KALRN: variants seen among roughly 807,000 people sequenced by gnomAD.
The protein encoded by KALRN is kalirin.
A neutral mutation model predicts 353.7 loss-of-function variants in KALRN; 70 were observed. The observed-to-expected ratio is 0.20, with a 90% CI of 0.16 to 0.24. The LOEUF is 0.24. Ranked by LOEUF, KALRN falls within the 10% of genes least tolerant of loss-of-function variation. The probability of loss-of-function intolerance (pLI) is 1.00; values close to 1 mark genes in which losing one functional copy is unlikely to be tolerated. For synonymous variants in KALRN, 1,391 were observed against 1,434.8 expected (o/e 0.97, Z 0.69); for missense variants, 2,791 against 3,756.7 (o/e 0.74, Z 6.72).
At chr3:124,252,622 A>T (rs1048668180) in intron 3 of KALRN, among the ~76,000 whole-genome samples, 5 of 152,244 alleles carry the variant, frequency 3.3e-5, no homozygotes, top group Non-Finnish European at 5.9e-5. Context: ...ATGGGTAGAA[A>T]AGACACTAAC....
chr3:124,405,416 G>A (rs1167612512), intron 13 of KALRN, among the ~76,000 whole-genome samples: 1 of 152,156 alleles, frequency 6.6e-6, no homozygotes, highest in African/African-American at 2.4e-5. Context: ...CACAGGGGGA[G>A]AAAACATTCT....
chr3:124,297,157 A>G (rs1384203445), intron 5 of KALRN, among the ~76,000 whole-genome samples: 1 of 152,232 alleles, frequency 6.6e-6, no homozygotes, highest in Non-Finnish European at 1.5e-5. Context: ...CAGGTATCCC[A>G]TAAATACTGG....
chr3:124,610,200 G>C (rs1165734357), intron 34 of KALRN, among the ~76,000 whole-genome samples: 2 of 152,130 alleles, frequency 1.3e-5, no homozygotes, highest in Non-Finnish European at 2.9e-5. Flanking sequence ...TTCATAGTAA[G>C]TATTTTTAAA....
At chr3:124,611,191 C>G (rs2077919798) in intron 34 of KALRN, among the ~76,000 whole-genome samples, 1 of 152,120 alleles carries the variant, frequency 6.6e-6, no homozygotes, top group African/African-American at 2.4e-5. Flanking sequence ...TGACCTGAAG[C>G]AAGAGAGAGA....
intron 57 of KALRN, among the ~76,000 whole-genome samples, chr3:124,707,842 G>A (rs1460334285): frequency 6.6e-6 from 1 of 152,156 alleles, no homozygotes; most frequent in Admixed American, 6.5e-5. Context: ...TCAGGAGAAA[G>A]CAAAAGAAGA....
chr3:124,492,775 G>A lies in KALRN; in HGVS notation c.4725G>A (p.Lys1575=), dbSNP rs2063309509. ...SNIETKQEWI[K]NIREVIQERI... ...TTGAAACCAAGCAGGAGTGGATCAAGAACATTCGAGAAGTGATTCAAGAAA... is the reference window on the plus strand; with the variant it reads ...TTGAAACCAAGCAGGAGTGGATCAAAAACATTCGAGAAGTGATTCAAGAAA... Residue 1575 remains lysine, a synonymous_variant, in exon 32 of 60, where the codon AAG becomes AAA. Coordinates refer to ENST00000682506, the MANE Select transcript of KALRN (RefSeq NM_001388419.1). The A allele has an allele frequency of 9.9e-6, 16 of 1,613,898 alleles. No homozygotes were observed. Among genetic ancestry groups the A allele is most frequent in the African/African-American group, 1.3e-5 (1 of 74,876 alleles).
intron 34 of KALRN, among the ~76,000 whole-genome samples, chr3:124,619,574 C>T (rs1418303950): frequency 2.0e-5 from 3 of 150,590 alleles, no homozygotes; most frequent in Non-Finnish European, 4.4e-5. Context: ...TGCAACCCCG[C>T]CTCCCAGGCT....
chr3:124,303,271 A>G (rs2077409797), intron 6 of KALRN, among the ~76,000 whole-genome samples: 2 of 152,150 alleles, frequency 1.3e-5, no homozygotes, highest in South Asian at 4.1e-4. Context: ...CCACTGGGAA[A>G]CCCAGTTCTT....
Position 124,671,704 on chromosome 3 carries a change from G to A in KALRN, c.6748G>A (p.Ala2250Thr). 1 of 1,614,154 alleles carries A rather than the reference G, an allele frequency of 6.2e-7. No homozygotes were observed. The highest frequency in any genetic ancestry group is 8.5e-7 in the Non-Finnish European group (1 of 1,180,010). The change falls in exon 48 of 60, where the codon GCT (alanine) becomes ACT (threonine). Residue 2250 changes from alanine to threonine, a missense_variant. Ala to Thr is a moderately conservative substitution (Grantham distance 58). This residue lies in a region of KALRN where 1,065 missense variants were observed against 1,156.4 expected (regional missense o/e 0.92). Transcript: ENST00000682506. The part of the protein sequence containing the change: ...IEYQRKERST[A>T]VMRSQPARLP... The stretch of plus-strand genomic sequence containing the variant: ...GTATCAACGGAAAGAAAGGAGCACA[G>A]CTGTGATGAGGTCTCAACCTGCCAG...
chr3:124,225,402 G>C (rs915271287), intron 1 of KALRN, among the ~76,000 whole-genome samples: 7 of 152,170 alleles, frequency 4.6e-5, no homozygotes, highest in African/African-American at 1.7e-4. Flanking sequence ...CCCTAGTTTG[G>C]ATTTTGTAAA....
chr3:124,348,965 C>T (rs978101183), intron 10 of KALRN, among the ~76,000 whole-genome samples: 1 of 152,120 alleles, frequency 6.6e-6, no homozygotes, highest in Non-Finnish European at 1.5e-5. Flanking sequence ...GTGATCCACC[C>T]ACCTCAGCCT....
chr3:124,209,898 A>G (rs1386478554), intron 1 of KALRN, among the ~76,000 whole-genome samples: 1 of 152,216 alleles, frequency 6.6e-6, no homozygotes, highest in Non-Finnish European at 1.5e-5. Context: ...ATTTCATCCT[A>G]ATAAGTTCCT....
At chr3:124,155,063 A>C (rs1418124418) in intron 1 of KALRN, among the ~76,000 whole-genome samples, 1 of 152,230 alleles carries the variant, frequency 6.6e-6, no homozygotes, top group African/African-American at 2.4e-5. Flanking sequence ...CATATGTAGA[A>C]AGCTGAAACT....
chr3:124,579,678 A>G (rs1674885416), intron 34 of KALRN, among the ~76,000 whole-genome samples: 1 of 152,150 alleles, frequency 6.6e-6, no homozygotes, highest in Non-Finnish European at 1.5e-5. Context: ...TTTTCCCTGT[A>G]TTGGCTTCAT....
In KALRN at chr3:124,659,584, G is replaced by A. The variant is rs929350933; in HGVS notation, c.6216+127G>A. 5 of 662,626 alleles carry A rather than the reference G, an allele frequency of 7.5e-6. No homozygotes were observed. The Admixed American group carries it at 1.3e-4, about 17-fold the overall frequency. The allele number at this position is 662,626 out of a possible 1,614,324, so 41.0% of individuals were successfully genotyped here. Reference sequence around the variant, plus strand: ...TGTCCCAAAGGACTGTGAACTGTGGGAGGGGTGGTAGGGACGTGGGAACTT... The same window carrying A: ...TGTCCCAAAGGACTGTGAACTGTGGAAGGGGTGGTAGGGACGTGGGAACTT... On this transcript the variant is annotated intron_variant, in intron 43 of 59. Coordinates refer to ENST00000682506, the MANE Select transcript of KALRN (RefSeq NM_001388419.1).
At position 124,455,235 on chromosome 3, in the gene KALRN, G is replaced by A; in HGVS notation, c.3611G>A (p.Gly1204Asp). The A allele has an allele frequency of 6.2e-7, 1 of 1,614,156 alleles. No individual in the cohort carries two copies. Among genetic ancestry groups the A allele is most frequent in the East Asian group, 2.2e-5 (1 of 44,884 alleles). Residue 1204 changes from glycine to aspartate, a missense_variant, in exon 22 of 60, where the codon GGC becomes GAC. Physicochemically the swap from Gly to Asp is moderately conservative, Grantham distance 94 (BLOSUM62 -1). Around this residue, in one of 11 missense-constraint regions of KALRN, gnomAD observed 268 missense variants for 347.0 expected, o/e 0.77. Coordinates refer to ENST00000682506, the MANE Select transcript of KALRN (RefSeq NM_001388419.1). ...CTGGCCGATAGCTTTGTGGAAAAAGGCCACATTCATGCCACGGAGATAAGG... is the reference window on the plus strand; with the variant it reads ...CTGGCCGATAGCTTTGTGGAAAAAGACCACATTCATGCCACGGAGATAAGG... ...IQLADSFVEKGHIHATEIRKW... is the reference protein window; with the variant it reads ...IQLADSFVEKDHIHATEIRKW...
chr3:124,123,932 C>T (rs1010544720), intron 1 of KALRN, among the ~76,000 whole-genome samples: 3 of 152,242 alleles, frequency 2.0e-5, no homozygotes, highest in African/African-American at 7.2e-5. Context: ...TACACCTGGT[C>T]ACCCCAGAGC....
At chr3:124,584,818 C>A in intron 34 of KALRN, 1 of 1,602,148 alleles carries the variant, frequency 6.2e-7, no homozygotes, top group African/African-American at 1.3e-5. Flanking sequence ...GGCGGCGGGG[C>A]AACATGAAGG....
intron 10 of KALRN, among the ~76,000 whole-genome samples, chr3:124,374,979 A>C (rs2086386022): frequency 6.6e-6 from 1 of 152,206 alleles, no homozygotes; most frequent in African/African-American, 2.4e-5. Flanking sequence ...GTCACTGGGC[A>C]GTCTATGTAT....
Sources: allele counts gnomAD v4.1 joint callset (sites outside exome capture counted in the v4.1 genomes callset), GRCh38; gene constraint gnomAD v4.1.1; regional missense constraint gnomAD v4.1.1; transcripts MANE v1.5; gene names NCBI Gene and HGNC (gene_info 2026-07-23, HGNC 2026-07-21).